Variants in SKIC3 observed in about 807,000 individuals in gnomAD.
SKIC3 encodes the protein superkiller complex protein 3.
the SKIC3 span, chr5:95,495,231 C>G: frequency 1.9e-6 from 1 of 535,462 alleles, no homozygotes; most frequent in Non-Finnish European, 3.3e-6. Context: ...GTGACCAACT[C>G]TACTTTCAAA....
chr5:95,548,884 G>C, the SKIC3 span, among the ~76,000 whole-genome samples: 1 of 151,916 alleles, frequency 6.6e-6, no homozygotes, highest in Non-Finnish European at 1.5e-5. Flanking sequence ...ACATAAGGAG[G>C]AAGTTCACCA....
At chr5:95,523,526 C>G in the SKIC3 span, 5 of 1,267,402 alleles carry the variant, frequency 3.9e-6, no homozygotes, top group African/African-American at 7.6e-5. Flanking sequence ...CTTACAGAGG[C>G]AAAAATATTT....
At chr5:95,527,722 A>G in the SKIC3 span, among the ~76,000 whole-genome samples, 1 of 152,370 alleles carries the variant, frequency 6.6e-6, no homozygotes, top group Admixed American at 6.5e-5. Context: ...TCTCAAATTA[A>G]TAATAATCAA....
the SKIC3 span, among the ~76,000 whole-genome samples, chr5:95,492,459 A>T: frequency 1.3e-5 from 2 of 150,312 alleles, no homozygotes; most frequent in Admixed American, 6.6e-5. Context: ...AAACGGTGAA[A>T]CCCCGTCTCT....
the SKIC3 span, among the ~76,000 whole-genome samples, chr5:95,537,326 G>A: frequency 8.5e-5 from 13 of 152,194 alleles, no homozygotes; most frequent in East Asian, 2.3e-3. Context: ...AACTCCAACT[G>A]GCCAGCAAAC....
At chr5:95,532,883 C>T in the SKIC3 span, among the ~76,000 whole-genome samples, 1 of 151,948 alleles carries the variant, frequency 6.6e-6, no homozygotes, top group South Asian at 2.1e-4. Flanking sequence ...TACAAAAAGT[C>T]GGTTTTTAAA....
chr5:95,533,036 T>G, the SKIC3 span, among the ~76,000 whole-genome samples: 1 of 152,192 alleles, frequency 6.6e-6, no homozygotes, highest in Non-Finnish European at 1.5e-5. Flanking sequence ...CTAATAGTTT[T>G]AAAGCAGAAA....
At chr5:95,517,074 A>C in the SKIC3 span, 1 of 1,613,590 alleles carries the variant, frequency 6.2e-7, no homozygotes, top group Non-Finnish European at 8.5e-7. Context: ...CGGGAATATA[A>C]AAGTGAATGT....
the SKIC3 span, among the ~76,000 whole-genome samples, chr5:95,489,922 A>T: frequency 6.6e-6 from 1 of 152,212 alleles, no homozygotes; most frequent in Non-Finnish European, 1.5e-5. Flanking sequence ...TAATACCATT[A>T]AACAAAAGCC....
the SKIC3 span, among the ~76,000 whole-genome samples, chr5:95,515,563 C>T: frequency 5.3e-5 from 8 of 152,050 alleles, no homozygotes; most frequent in Non-Finnish European, 1.0e-4. Context: ...TGGGCAAAAA[C>T]TATCCCATGC....
the SKIC3 span, among the ~76,000 whole-genome samples, chr5:95,548,089 C>T: frequency 6.6e-6 from 1 of 151,960 alleles, no homozygotes; most frequent in African/African-American, 2.4e-5. Context: ...TAAGATTACA[C>T]AACTTATTCT....
chr5:95,527,323 G>A, the SKIC3 span, among the ~76,000 whole-genome samples: 3 of 152,258 alleles, frequency 2.0e-5, no homozygotes, highest in East Asian at 5.8e-4. Flanking sequence ...CACATTATTG[G>A]TGGGATGGCA....
At chr5:95,498,276 TCTTAC>T in the SKIC3 span, 2 of 1,339,366 alleles carry the variant, frequency 1.5e-6, no homozygotes, top group Non-Finnish European at 2.1e-6. Flanking sequence ...AAATGTATAT[TCTTAC>T]CTTATTTTAT....
the SKIC3 span, among the ~76,000 whole-genome samples, chr5:95,519,407 A>C: frequency 6.6e-6 from 1 of 152,056 alleles, no homozygotes; most frequent in Non-Finnish European, 1.5e-5. Flanking sequence ...CCAGCCAAAA[A>C]TAATTTTCCA....
At chr5:95,535,077 T>C in the SKIC3 span, among the ~76,000 whole-genome samples, 7 of 152,164 alleles carry the variant, frequency 4.6e-5, no homozygotes, top group Admixed American at 4.6e-4. Context: ...ATCATACTCC[T>C]CGTTCATTCA....
chr5:95,517,359 T>C, the SKIC3 span: 2 of 1,595,580 alleles, frequency 1.3e-6, no homozygotes, highest in Admixed American at 1.7e-5. Flanking sequence ...ACAAATTATT[T>C]ATAAAAAGCA....
the SKIC3 span, among the ~76,000 whole-genome samples, chr5:95,527,089 A>G: frequency 6.6e-6 from 1 of 152,162 alleles, no homozygotes; most frequent in Non-Finnish European, 1.5e-5. Context: ...CACATTAGTA[A>G]CGCCCTTTTT....
the SKIC3 span, chr5:95,503,839 C>T: frequency 6.2e-7 from 1 of 1,613,904 alleles, no homozygotes; most frequent in African/African-American, 1.3e-5. Flanking sequence ...TATAAAGCCC[C>T]TTCATGAATA....
the SKIC3 span, chr5:95,543,299 T>C: frequency 3.1e-6 from 5 of 1,614,082 alleles, no homozygotes; most frequent in Non-Finnish European, 4.2e-6. Context: ...CCAGGCATTA[T>C]AGTTATTTTT....
Sources: gnomAD v4.1 joint callset for allele counts (sites outside exome capture counted in the v4.1 genomes callset) on GRCh38, gnomAD v4.1.1 for gene constraint, MANE v1.5 for transcripts, NCBI Gene and HGNC (gene_info 2026-07-23, HGNC 2026-07-21) for gene names.